The following MARCHF1 variants were observed in gnomAD, a reference collection of about 807,000 sequenced individuals.
The protein encoded by MARCHF1 is E3 ubiquitin-protein ligase MARCHF1.
Under a neutral mutation model 54.2 loss-of-function variants are expected in MARCHF1, and 40 were observed. The ratio of observed to expected loss-of-function variants is 0.74; its 90% CI spans 0.57 to 0.96. MARCHF1 has a LOEUF of 0.96. MARCHF1 is among the 40% of genes least tolerant of loss of function. The pLI is 0.00. For synonymous variants in MARCHF1, 236 were observed against 236.3 expected, an observed-to-expected ratio of 1.00 and a Z score of 0.01; for missense variants, 586 against 656.5, an observed-to-expected ratio of 0.89 and a Z score of 1.17.
chr4:164,058,148 C>T (rs1459958617), intron 2 of MARCHF1, among the ~76,000 whole-genome samples: 1 of 152,046 alleles, frequency 6.6e-6, no homozygotes, highest in Non-Finnish European at 1.5e-5. Flanking sequence ...GGAGGGATAA[C>T]ATTAGGAGAA....
intron 1 of MARCHF1, among the ~76,000 whole-genome samples, chr4:164,240,151 CTAA>C (rs911130503): frequency 6.6e-6 from 1 of 152,178 alleles, no homozygotes; most frequent in Non-Finnish European, 1.5e-5. Context: ...GATTCCAGTT[CTAA>C]TGAGCCACGA....
At chr4:163,673,087 A>T (rs1001352587) in intron 5 of MARCHF1, among the ~76,000 whole-genome samples, 1 of 152,214 alleles carries the variant, frequency 6.6e-6, no homozygotes, top group African/African-American at 2.4e-5. Flanking sequence ...GGTTCCAGGG[A>T]GTAGGAAGTG....
At chr4:164,270,102 C>T (rs1733706150) in intron 1 of MARCHF1, among the ~76,000 whole-genome samples, 1 of 152,106 alleles carries the variant, frequency 6.6e-6, no homozygotes, top group Non-Finnish European at 1.5e-5. Flanking sequence ...CATTAGATGC[C>T]CAAGTGCTGG....
chr4:163,687,173 G>A (rs1455333176), intron 5 of MARCHF1, among the ~76,000 whole-genome samples: 1 of 151,774 alleles, frequency 6.6e-6, no homozygotes, highest in Non-Finnish European at 1.5e-5. Context: ...TGTGATCATC[G>A]AGTTACCTGT....
intron 1 of MARCHF1, among the ~76,000 whole-genome samples, chr4:164,318,159 ATAGAGG>A (rs1735046673): frequency 6.6e-6 from 1 of 152,218 alleles, no homozygotes; most frequent in African/African-American, 2.4e-5. Flanking sequence ...ACATGAATTG[ATAGAGG>A]TAAAGCATTT....
At chr4:163,707,898 C>T (rs892151202) in intron 4 of MARCHF1, among the ~76,000 whole-genome samples, 1 of 151,368 alleles carries the variant, frequency 6.6e-6, no homozygotes, top group Admixed American at 6.6e-5. Flanking sequence ...GGCTGGAACT[C>T]TACAAACTAC....
chr4:164,239,169 A>G (rs1219911685), intron 1 of MARCHF1, among the ~76,000 whole-genome samples: 1 of 152,064 alleles, frequency 6.6e-6, no homozygotes, highest in African/African-American at 2.4e-5. Flanking sequence ...TCTTTCCTGC[A>G]TCCTTCATAA....
At chr4:164,381,551 A>G (rs941985939) in intron 1 of MARCHF1, among the ~76,000 whole-genome samples, 5 of 152,198 alleles carry the variant, frequency 3.3e-5, no homozygotes, top group Non-Finnish European at 7.3e-5. Flanking sequence ...AAAACATCTT[A>G]TCGCTAAAGG....
rs541181173 is a variant in MARCHF1, at chr4:163,602,645, T to TA, written c.1010+9625dup. 2.2e-4 allele frequency among the ~76,000 whole-genome samples: 34 copies of TA among 152,228 alleles called. No individual in the cohort carries two copies. In the East Asian group the frequency reaches 2.7e-3, roughly 12 times the overall value. Reference sequence around the variant, plus strand: ...ACTTAGCAAAACAAAGGCAAAAACATAAGAGAATAAATCTGAACTTTCTTA... The same window carrying TA: ...ACTTAGCAAAACAAAGGCAAAAACATAAAGAGAATAAATCTGAACTTTCTTA... On this transcript the variant is annotated intron_variant, in intron 7 of 9. Coordinates refer to ENST00000514618, the MANE Select transcript of MARCHF1 (RefSeq NM_001394959.1).
intron 1 of MARCHF1, chr4:164,190,455 G>A (rs2111046933): frequency 1.3e-5 from 5 of 381,340 alleles, no homozygotes; most frequent in East Asian, 4.6e-5. Context: ...GAGTGGAGTT[G>A]AAAATGCTAT....
At chr4:164,348,339 G>T (rs1318166058) in intron 1 of MARCHF1, among the ~76,000 whole-genome samples, 1 of 152,178 alleles carries the variant, frequency 6.6e-6, no homozygotes. Context: ...AAAACAAAAT[G>T]AGGAATAGAG....
chr4:163,891,324 T>C (rs1047068546), intron 3 of MARCHF1, among the ~76,000 whole-genome samples: 2 of 152,102 alleles, frequency 1.3e-5, no homozygotes, highest in Non-Finnish European at 2.9e-5. Context: ...CCTGAATTTG[T>C]AGAGGAAAAT....
intron 1 of MARCHF1, among the ~76,000 whole-genome samples, chr4:164,296,120 A>G (rs1734403884): frequency 1.3e-5 from 2 of 152,226 alleles, no homozygotes; most frequent in African/African-American, 4.8e-5. Flanking sequence ...TCAAATAAAA[A>G]AAAATTTACC....
chr4:163,899,860 C>G (rs892859433), intron 3 of MARCHF1, among the ~76,000 whole-genome samples: 3 of 150,620 alleles, frequency 2.0e-5, no homozygotes, highest in African/African-American at 4.9e-5. Flanking sequence ...TGCAGTACTC[C>G]AAGCTATGCC....
At chr4:164,029,981 T>A (rs1753844703) in intron 2 of MARCHF1, among the ~76,000 whole-genome samples, 1 of 152,212 alleles carries the variant, frequency 6.6e-6, no homozygotes, top group African/African-American at 2.4e-5. Context: ...CATTCATAGA[T>A]AATTTGCAAG....
intron 9 of MARCHF1, among the ~76,000 whole-genome samples, chr4:163,544,460 T>C (rs1738826148): frequency 6.6e-6 from 1 of 152,158 alleles, no homozygotes; most frequent in Non-Finnish European, 1.5e-5. Flanking sequence ...CCATCCCCTC[T>C]TTGACGCACA....
At chr4:163,653,044 C>T (rs975176410) in intron 5 of MARCHF1, among the ~76,000 whole-genome samples, 1 of 147,940 alleles carries the variant, frequency 6.8e-6, no homozygotes, top group African/African-American at 2.6e-5. Context: ...GTGCTACGTA[C>T]TATTAGAGAA....
chr4:163,915,071 T>C (rs1251898439), intron 3 of MARCHF1, among the ~76,000 whole-genome samples: 2 of 152,170 alleles, frequency 1.3e-5, no homozygotes, highest in African/African-American at 4.8e-5. Context: ...ATAATGTATT[T>C]GGGGGTTTTA....
chr4:163,714,771 G>A (rs1014527119), intron 4 of MARCHF1, among the ~76,000 whole-genome samples: 1 of 152,256 alleles, frequency 6.6e-6, no homozygotes, highest in Non-Finnish European at 1.5e-5. Flanking sequence ...CCAGGTTGAA[G>A]TGATCCTCCC....
Sources: allele counts gnomAD v4.1 joint callset (sites outside exome capture counted in the v4.1 genomes callset), GRCh38; gene constraint gnomAD v4.1.1; transcripts MANE v1.5; gene names NCBI Gene and HGNC (gene_info 2026-07-23, HGNC 2026-07-21).